The following RBKS variants were observed in gnomAD, a reference collection of about 807,000 sequenced individuals.
The protein encoded by RBKS is ribokinase.
Under a neutral mutation model 33.9 loss-of-function variants are expected in RBKS, and 33 were observed. The observed-to-expected ratio is 0.97, with a 90% CI of 0.74 to 1.30. RBKS has a LOEUF of 1.30. RBKS is among the 50% of genes most tolerant of loss of function. The probability of loss-of-function intolerance (pLI) is 0.00; values close to 1 mark genes in which losing one functional copy is unlikely to be tolerated. For missense variants in RBKS, 361 were observed against 392.6 expected (o/e 0.92, Z 0.68); for synonymous variants, 125 against 143.0 (o/e 0.87, Z 0.90).
At chr2:27,792,825 C>T (rs1483717785) in intron 7 of RBKS, among the ~76,000 whole-genome samples, 1 of 152,182 alleles carries the variant, frequency 6.6e-6, no homozygotes, top group African/African-American at 2.4e-5. Flanking sequence ...CCTTTGCTGT[C>T]TTTAAGGCCC....
chr2:27,814,066 A>G (rs1678042304), intron 7 of RBKS, among the ~76,000 whole-genome samples: 1 of 151,926 alleles, frequency 6.6e-6, no homozygotes, highest in Admixed American at 6.6e-5. Flanking sequence ...TCTAGAAAAA[A>G]AAAAATCAGC....
intron 7 of RBKS, among the ~76,000 whole-genome samples, chr2:27,805,556 T>A (rs935762613): frequency 6.6e-6 from 1 of 152,140 alleles, no homozygotes; most frequent in Non-Finnish European, 1.5e-5. Flanking sequence ...TGAAAACTGA[T>A]ATATTTTTCT....
chr2:27,847,391 A>G lies in RBKS; in HGVS notation c.287-287T>C, dbSNP rs537520243. 4.2e-4 allele frequency among the ~76,000 whole-genome samples: 64 copies of G among 152,296 alleles called. 1 individual carries two copies. In the South Asian group the frequency reaches 0.013, roughly 31 times the overall value. On this transcript the variant is annotated intron_variant, in intron 3 of 7. Transcript: ENST00000302188. ...ATTATTCATAATTGTATACATATGCATTTTTCTAGACCAACACACTTATGT... is the reference window on the plus strand; with the variant it reads ...ATTATTCATAATTGTATACATATGCGTTTTTCTAGACCAACACACTTATGT...
At chr2:27,867,502 A>C (rs1423462465) in intron 1 of RBKS, among the ~76,000 whole-genome samples, 1 of 152,180 alleles carries the variant, frequency 6.6e-6, no homozygotes, top group Non-Finnish European at 1.5e-5. Flanking sequence ...ATGGTCAGAA[A>C]AATGGGGACG....
intron 1 of RBKS, among the ~76,000 whole-genome samples, chr2:27,887,630 G>A (rs948549158): frequency 6.6e-6 from 1 of 152,144 alleles, no homozygotes; most frequent in African/African-American, 2.4e-5. Flanking sequence ...AGCAGAGAGA[G>A]TCTATATGGG....
chr2:27,888,745 A>C (rs1472899778), intron 1 of RBKS, among the ~76,000 whole-genome samples: 2 of 151,682 alleles, frequency 1.3e-5, no homozygotes, highest in Non-Finnish European at 2.9e-5. Context: ...TGTTCTTGTA[A>C]GGCTTGGGAG....
At chr2:27,884,653 T>G (rs982705453) in intron 1 of RBKS, among the ~76,000 whole-genome samples, 1 of 152,168 alleles carries the variant, frequency 6.6e-6, no homozygotes, top group Non-Finnish European at 1.5e-5. Context: ...TTTTGAAAAT[T>G]AGGCACTCAT....
chr2:27,783,975 CTTTTTTTT>C (rs1161206494), intron 7 of RBKS, among the ~76,000 whole-genome samples: 1 of 55,316 alleles, frequency 1.8e-5, no homozygotes, highest in Non-Finnish European at 3.6e-5. Context: ...GGGTCATTTT[CTTTTTTTT>C]TTTTTTTTTT....
At chr2:27,861,084 C>T (rs944770393) in intron 1 of RBKS, among the ~76,000 whole-genome samples, 12 of 152,140 alleles carry the variant, frequency 7.9e-5, no homozygotes, top group African/African-American at 2.9e-4. Flanking sequence ...TCTCCTGCCT[C>T]AGCCTCCCAA....
intron 7 of RBKS, among the ~76,000 whole-genome samples, chr2:27,817,539 T>C (rs1391979609): frequency 1.3e-5 from 2 of 152,142 alleles, no homozygotes; most frequent in Non-Finnish European, 2.9e-5. Flanking sequence ...CTGGGTAATT[T>C]ATAAAGAAAG....
At chr2:27,809,038 T>G (rs1677943299) in intron 7 of RBKS, among the ~76,000 whole-genome samples, 1 of 152,266 alleles carries the variant, frequency 6.6e-6, no homozygotes, top group Non-Finnish European at 1.5e-5. Context: ...TATAATAATG[T>G]AAAAATTGTC....
At chr2:27,824,588 G>A (rs542210961) in intron 7 of RBKS, among the ~76,000 whole-genome samples, 18 of 152,166 alleles carry the variant, frequency 1.2e-4, no homozygotes, top group African/African-American at 3.9e-4. Flanking sequence ...ATATTCCATC[G>A]TATGGATATA....
intron 7 of RBKS, among the ~76,000 whole-genome samples, chr2:27,801,963 A>AAAAAATAT (rs1308232858): frequency 2.1e-5 from 1 of 47,620 alleles, no homozygotes; most frequent in African/African-American, 8.1e-5. Context: ...AAAAAAAAAA[A>AAAAAATAT]ATATATATAT....
intron 7 of RBKS, among the ~76,000 whole-genome samples, chr2:27,820,422 GAT>G (rs1418598565): frequency 6.6e-6 from 1 of 152,106 alleles, no homozygotes; most frequent in African/African-American, 2.4e-5. Flanking sequence ...TTCTCCTATT[GAT>G]GATTAGGAGG....
chr2:27,808,866 C>A (rs976962849), intron 7 of RBKS, among the ~76,000 whole-genome samples: 1 of 152,260 alleles, frequency 6.6e-6, no homozygotes, highest in African/African-American at 2.4e-5. Flanking sequence ...CAAGCCTGAG[C>A]CTCACCCTCT....
intron 7 of RBKS, among the ~76,000 whole-genome samples, chr2:27,824,420 T>A (rs1365369361): frequency 6.6e-6 from 1 of 152,212 alleles, no homozygotes. Context: ...CACCCATCTA[T>A]GCTCTGTATC....
intron 7 of RBKS, among the ~76,000 whole-genome samples, chr2:27,817,354 G>A (rs116345561): frequency 1.3e-5 from 2 of 152,140 alleles, no homozygotes; most frequent in African/African-American, 4.8e-5. Flanking sequence ...AAAATGATTT[G>A]GTTATAGTGT....
Position 27,837,204 on chromosome 2 carries a change from G to A in RBKS, c.515-4427C>T, listed in dbSNP as rs896926112. ...CAGGAGAATGGCGTGAATCTGGGAG[G>A]TGGAGCTTGCAGTGAGCCGAGATCG... On this transcript the variant is annotated intron_variant, in intron 5 of 7. Transcript: ENST00000302188. This position sits in a 1 kb window ranked among gnomAD's most constrained non-coding sequence, Gnocchi z 4.0. Among the ~76,000 whole-genome samples, 2 of 152,056 alleles carry A rather than the reference G, an allele frequency of 1.3e-5. No homozygotes were observed. The highest frequency in any genetic ancestry group is 6.5e-5 in the Admixed American group (1 of 15,274).
At chr2:27,844,775 A>G (rs1663589705) in intron 4 of RBKS, among the ~76,000 whole-genome samples, 2 of 152,194 alleles carry the variant, frequency 1.3e-5, no homozygotes, top group Admixed American at 6.5e-5. Flanking sequence ...AGTTAAATTT[A>G]CCTGTTCCTT....
Sources: gnomAD v4.1 joint callset for allele counts (sites outside exome capture counted in the v4.1 genomes callset) on GRCh38, gnomAD v4.1.1 for gene constraint, Gnocchi (gnomAD v3.1) non-coding constraint, MANE v1.5 for transcripts, NCBI Gene and HGNC (gene_info 2026-07-23, HGNC 2026-07-21) for gene names.